Variants in MYOF observed in about 807,000 individuals in gnomAD.
MYOF encodes the protein fer-1-like 3, myoferlin.
In MYOF, 244 loss-of-function variants were observed where a neutral mutation model predicts 284.2. The observed-to-expected ratio is 0.86, with a 90% CI of 0.77 to 0.95. MYOF has a LOEUF of 0.95. Ranked by LOEUF, MYOF falls within the 40% of genes least tolerant of loss-of-function variation. MYOF has a pLI of 0.00. For synonymous variants in MYOF, 904 were observed against 919.7 expected (o/e 0.98, Z 0.31); for missense variants, 2,496 against 2,560.6 (o/e 0.97, Z 0.54).
chr10:93,374,496 G>A (rs112690404), intron 23 of MYOF, among the ~76,000 whole-genome samples: 19 of 152,222 alleles, frequency 1.2e-4, no homozygotes, highest in African/African-American at 3.9e-4. Context: ...AATATTCTCC[G>A]ACAGTACCAT....
At chr10:93,403,255 G>A (rs12260761) in intron 9 of MYOF, among the ~76,000 whole-genome samples, 13,881 of 152,144 alleles carry the variant, frequency 0.091, 1,015 homozygotes, top group African/African-American at 0.21. Context: ...TTCCTGTCCA[G>A]TTCTCCTCCT....
In MYOF at chr10:93,482,085, AAAG is replaced by A. The variant is rs765287697; in HGVS notation, c.88+19_88+21del. ...AACATTCCAAAACAGGACTTCAGAA[AAAG>A]AAGAAAACTTTTTCTTACCCTTAAA... is the stretch of plus-strand genomic sequence containing the variant. On this transcript the variant is annotated intron_variant, in intron 1 of 53. Transcript: ENST00000359263. 35 of 1,605,328 alleles carry A rather than the reference AAAG, an allele frequency of 2.2e-5. No homozygotes were observed. The highest frequency in any genetic ancestry group is 2.9e-5 in the Non-Finnish European group (34 of 1,172,354).
At position 93,310,182 on chromosome 10, in the gene MYOF, A is replaced by C. The variant is rs199924157; in HGVS notation, c.6000-15T>G. On this transcript the variant is annotated splice_polypyrimidine_tract_variant and intron_variant, in intron 52 of 53. Transcript: ENST00000359263. ...TTTCTGGTCGACTGCATTGCAAAGA[A>C]ACAGTATCACCTACCCAACTCAGGA... is the stretch of plus-strand genomic sequence containing the variant. 610 of 1,613,450 alleles carry C rather than the reference A, an allele frequency of 3.8e-4. No individual in the cohort carries two copies. Among genetic ancestry groups the C allele is most frequent in the Non-Finnish European group, 5.0e-4 (594 of 1,179,498 alleles).
At position 93,482,229 on chromosome 10, in the gene MYOF, C is replaced by G; in HGVS notation, c.-35G>C. 1 of 1,587,774 alleles carries G rather than the reference C, an allele frequency of 6.3e-7. No individual in the cohort carries two copies. Among genetic ancestry groups the G allele is most frequent in the Middle Eastern group, 1.7e-4 (1 of 5,998 alleles). Reference sequence around the variant, plus strand: ...CTGGTAGAAAGCAAGTTTCAGCAAACGAAGTGGAGACTAGGGCGCTGGAGC... The same window carrying G: ...CTGGTAGAAAGCAAGTTTCAGCAAAGGAAGTGGAGACTAGGGCGCTGGAGC... On this transcript the variant is annotated 5_prime_UTR_variant, in exon 1 of 54. Coordinates refer to ENST00000359263, the MANE Select transcript of MYOF (RefSeq NM_013451.4).
chr10:93,330,661 A>G (rs1843256096), intron 43 of MYOF, among the ~76,000 whole-genome samples: 1 of 152,098 alleles, frequency 6.6e-6, no homozygotes. Context: ...GATGTATGCT[A>G]GAGGGTGGGC....
Position 93,389,038 on chromosome 10 carries a change from T to C in MYOF, c.1573A>G (p.Thr525Ala). The C allele has an allele frequency of 6.2e-7, 1 of 1,613,044 alleles. No homozygotes were observed. Among genetic ancestry groups the C allele is most frequent in the Non-Finnish European group, 8.5e-7 (1 of 1,179,710 alleles). ...GFPDPYDELN[T>A]GKGEGVAYRG... ...TTAATTGAGAAACCAACCTTTCCAG[T>C]ATTCAGCTCATCATAGGGGTCTGGG... is the stretch of plus-strand genomic sequence containing the variant. The change falls in exon 18 of 54, where the codon ACT becomes GCT. Residue 525 changes from threonine to alanine, a missense_variant. This residue lies in a region of MYOF where 2,436 missense variants were observed against 2,480.7 expected (regional missense o/e 0.98). Transcript: ENST00000359263.
rs374984115 is a variant in MYOF at position 93,389,070 on chromosome 10, G to C, written c.1541C>G (p.Thr514Arg). 1.2e-4 allele frequency: 199 copies of C among 1,613,906 alleles called. No individual in the cohort carries two copies. Among genetic ancestry groups the C allele is most frequent in the Non-Finnish European group, 1.4e-4 (166 of 1,179,966 alleles). ...CTCATCATAGGGGTCTGGGAATCCC[G>C]TGTACTCTCTGGGGCTTCCATAAAG... ...LNLYGSPREY[T>R]GFPDPYDELN... The change falls in exon 18 of 54, where the codon ACG becomes AGG. Residue 514 changes from threonine to arginine, a missense_variant. Around this residue, in one of 3 missense-constraint regions of MYOF, gnomAD observed 2,436 missense variants for 2,480.7 expected, o/e 0.98. Transcript: ENST00000359263.
chr10:93,408,750 A>G, intron 7 of MYOF, 37 bp downstream of exon 7: 1 of 1,613,046 alleles, frequency 6.2e-7, no homozygotes, highest in Non-Finnish European at 8.5e-7. Flanking sequence ...CCCCAGTGGG[A>G]CTCATGAGCA....
At chr10:93,336,136 G>A in intron 40 of MYOF, 90 bp from the exon 41 acceptor site, 1 of 1,450,986 alleles carries the variant, frequency 6.9e-7, no homozygotes, top group Non-Finnish European at 9.3e-7. Flanking sequence ...TGGGCCTGAG[G>A]TTGTGGATGG....
chr10:93,429,652 G>T (rs568506666), intron 4 of MYOF, among the ~76,000 whole-genome samples: 1 of 152,196 alleles, frequency 6.6e-6, no homozygotes, highest in Admixed American at 6.5e-5. Context: ...CAGCAAAACT[G>T]CCTTTCTCTC....
Position 93,361,480 on chromosome 10 carries a change from A to G in MYOF, c.2946T>C (p.Tyr982=). 1 of 1,614,204 alleles carries G rather than the reference A, an allele frequency of 6.2e-7. No homozygotes were observed. Among genetic ancestry groups the G allele is most frequent in the Non-Finnish European group, 8.5e-7 (1 of 1,180,028 alleles). The change falls in exon 28 of 54, where the codon TAT becomes TAC. Residue 982 remains tyrosine, a synonymous_variant. Coordinates refer to ENST00000359263, the MANE Select transcript of MYOF (RefSeq NM_013451.4). ...TCTCATCCACCGCTCGATTTATGTCATAAGACCATGCATCATCTTCCCATT... is the reference window on the plus strand; with the variant it reads ...TCTCATCCACCGCTCGATTTATGTCGTAAGACCATGCATCATCTTCCCATT... The part of the protein sequence containing the change: ...GWEWEDDAWS[Y]DINRAVDEKG...
At chr10:93,429,796 C>T (rs918690663) in intron 4 of MYOF, among the ~76,000 whole-genome samples, 8 of 152,130 alleles carry the variant, frequency 5.3e-5, no homozygotes, top group African/African-American at 1.9e-4. Context: ...GGGCCAAGTA[C>T]AGTATCTTTA....
At chr10:93,477,659 C>G (rs1201823454) in intron 1 of MYOF, among the ~76,000 whole-genome samples, 1 of 151,890 alleles carries the variant, frequency 6.6e-6, no homozygotes, top group Non-Finnish European at 1.5e-5. Context: ...CCAGCCTGAC[C>G]AACATGGTGA....
chr10:93,385,452 C>T (rs2134017402), intron 19 of MYOF, among the ~76,000 whole-genome samples: 1 of 152,242 alleles, frequency 6.6e-6, no homozygotes, highest in Non-Finnish European at 1.5e-5. Context: ...TTAGCTTTAC[C>T]AAAAAGTTTT....
In MYOF at chr10:93,306,796, C is replaced by CCTGA. The variant is rs1842119305; in HGVS notation, c.*163_*166dup. 3.0e-6 allele frequency: 2 copies of CCTGA among 677,652 alleles called. No homozygotes were observed. The highest frequency in any genetic ancestry group is 2.8e-5 in the Admixed American group (1 of 35,528). The allele number at this position is 677,652 out of a possible 1,614,324, so 42.0% of individuals were successfully genotyped here. A position where few individuals can be genotyped will look rare whatever the true frequency, so the allele number is the denominator to read the frequency against. On this transcript the variant is annotated 3_prime_UTR_variant, in exon 54 of 54. Coordinates refer to ENST00000359263, the MANE Select transcript of MYOF (RefSeq NM_013451.4). ...ACATGATGCAAACGTTGCTTGTTGGCCTGACTTTCCAGGACTAAGACCCTC... is the reference window on the plus strand; with the variant it reads ...ACATGATGCAAACGTTGCTTGTTGGCCTGACTGACTTTCCAGGACTAAGACCCTC...
At chr10:93,406,564 C>CG (rs71908567) in intron 7 of MYOF, among the ~76,000 whole-genome samples, 4 of 8,682 alleles carry the variant, frequency 4.6e-4, no homozygotes, top group Non-Finnish European at 1.9e-3. Flanking sequence ...CTTGCCTCCT[C>CG]CCCACCCATC....
intron 1 of MYOF, among the ~76,000 whole-genome samples, chr10:93,470,783 T>C (rs1440537917): frequency 6.6e-6 from 1 of 152,156 alleles, no homozygotes; most frequent in Admixed American, 6.6e-5. Flanking sequence ...ACTTGCTTTG[T>C]TCCCCACCCT....
At chr10:93,388,356 G>C (rs1291388434) in intron 18 of MYOF, among the ~76,000 whole-genome samples, 4 of 152,176 alleles carry the variant, frequency 2.6e-5, no homozygotes, top group African/African-American at 9.7e-5. Context: ...CTGGCAACCA[G>C]GGCAAGTCTC....
intron 19 of MYOF, among the ~76,000 whole-genome samples, chr10:93,384,468 CTCTA>C (rs1197491270): frequency 6.6e-6 from 1 of 152,104 alleles, no homozygotes; most frequent in Admixed American, 6.6e-5. Flanking sequence ...CATGGTGAAA[CTCTA>C]TCTCTACTAA....
Sources: allele counts gnomAD v4.1 joint callset (sites outside exome capture counted in the v4.1 genomes callset), GRCh38; gene constraint gnomAD v4.1.1; regional missense constraint gnomAD v4.1.1; transcripts MANE v1.5; gene names NCBI Gene and HGNC (gene_info 2026-07-23, HGNC 2026-07-21).